Variants in ARHGAP40 observed in about 807,000 individuals in gnomAD.
ARHGAP40 encodes Rho GTPase activating protein 40.
In ARHGAP40, 43 loss-of-function variants were observed where a neutral mutation model predicts 73.5. That is an observed-to-expected ratio of 0.58 (90% CI 0.46 to 0.75). The LOEUF is 0.75. ARHGAP40 is among the 30% of genes least tolerant of loss of function. The pLI is 0.00. For missense variants in ARHGAP40, 734 were observed against 861.8 expected (o/e 0.85, Z 1.86); for synonymous variants, 300 against 352.8 (o/e 0.85, Z 1.68).
rs113080934 is a variant in ARHGAP40, at chr20:38,628,098, A to G, written c.559-829A>G. Among the ~76,000 whole-genome samples, 1,390 of 152,334 alleles carry G rather than the reference A, an allele frequency of 9.1e-3. 23 individuals are homozygous for G. The highest frequency in any genetic ancestry group is 0.032 in the African/African-American group (1,313 of 41,568). On this transcript the variant is annotated intron_variant, in intron 3 of 14. Coordinates refer to ENST00000373345, the Ensembl canonical transcript of ARHGAP40. ...CCCTATAGGCTGTGTGTCCAGAGCA[A>G]CAGCTCAGGAGCAGTTCTGCCTTTT...
intron 13 of ARHGAP40, among the ~76,000 whole-genome samples, chr20:38,648,383 A>T (rs887173130): frequency 1.3e-5 from 2 of 152,254 alleles, no homozygotes; most frequent in African/African-American, 4.8e-5. Context: ...TGCCCAGAAG[A>T]AAGGGGCCTC....
At chr20:38,650,354 C>T (rs1307834873) in exon 15 of ARHGAP40, 12 of 471,204 alleles carry the variant, frequency 2.5e-5, no homozygotes, top group South Asian at 6.2e-5. Flanking sequence ...AAAATTGTTT[C>T]GAAAGTGGCC....
intron 10 of ARHGAP40, among the ~76,000 whole-genome samples, chr20:38,642,327 T>C (rs1420844307): frequency 6.6e-6 from 1 of 152,216 alleles, no homozygotes; most frequent in African/African-American, 2.4e-5. Context: ...ATGCAGGGCC[T>C]TGGCCCAGCT....
At chr20:38,629,789 A>C (rs2088926126) in intron 5 of ARHGAP40, 139 bp downstream of exon 5, 2 of 994,864 alleles carry the variant, frequency 2.0e-6, no homozygotes, top group Non-Finnish European at 2.6e-6. Flanking sequence ...TTCGTACCAC[A>C]AATATTTACT....
exon 14 of ARHGAP40, chr20:38,648,690 G>C (rs1372747159): frequency 7.7e-7 from 1 of 1,305,720 alleles, no homozygotes; most frequent in Non-Finnish European, 1.0e-6. Context: ...GAAGTTGGAG[G>C]GAATATCAGT....
intron 2 of ARHGAP40, among the ~76,000 whole-genome samples, chr20:38,626,328 T>C (rs1038056239): frequency 2.0e-5 from 3 of 152,180 alleles, no homozygotes; most frequent in Admixed American, 6.5e-5. Context: ...ATAAGGCCAG[T>C]GTTTCTCAAG....
intron 2 of ARHGAP40, 80 bp downstream of exon 2, chr20:38,623,638 T>C (rs2088885491): frequency 9.6e-6 from 11 of 1,147,324 alleles, no homozygotes; most frequent in Non-Finnish European, 1.1e-5. Context: ...GATCCAGATA[T>C]GAACCAGAAC....
rs1271731353 is a variant in ARHGAP40, at chr20:38,650,562, A to T, written c.*714A>T. The T allele has an allele frequency of 6.4e-6, 3 of 466,302 alleles. No individual in the cohort carries two copies. In the East Asian group the frequency reaches 2.1e-4, roughly 32 times the overall value. 28.9% of individuals were successfully genotyped at this position (466,302 alleles called of 1,614,324 possible). On this transcript the variant is annotated 3_prime_UTR_variant, in exon 15 of 15. Coordinates refer to ENST00000373345, the Ensembl canonical transcript of ARHGAP40. ...TTGCTTCACAGCTCTCATGCTTTACATGTTGATTTGTACAATCTTGTCATT... is the reference window on the plus strand; with the variant it reads ...TTGCTTCACAGCTCTCATGCTTTACTTGTTGATTTGTACAATCTTGTCATT...
At chr20:38,649,837 A>G in exon 15 of ARHGAP40, 5 of 1,305,200 alleles carry the variant, frequency 3.8e-6, no homozygotes, top group Non-Finnish European at 5.1e-6. Flanking sequence ...CCTTAAACAG[A>G]ACCCCACCTA....
chr20:38,637,706 A>C lies in ARHGAP40; in HGVS notation c.950-2A>C, dbSNP rs1169068734. On this transcript the variant is annotated splice_acceptor_variant, in intron 6 of 14. Coordinates refer to ENST00000373345, the Ensembl canonical transcript of ARHGAP40. LOFTEE classifies it high-confidence loss of function. ...GTGCCTCTGCTCTTTGACTTTCTGC[A>C]GAAACTCGCCTCTTTGGTGTGCCCC... 2.3e-6 allele frequency: 3 copies of C among 1,305,222 alleles called. No homozygotes were observed. The highest frequency in any genetic ancestry group is 2.0e-6 in the Non-Finnish European group (2 of 988,942). The allele number at this position is 1,305,222 out of a possible 1,614,324, so 80.9% of individuals were successfully genotyped here.
chr20:38,635,024 G>A (rs747244415), intron 6 of ARHGAP40, among the ~76,000 whole-genome samples: 9 of 151,952 alleles, frequency 5.9e-5, no homozygotes, highest in Non-Finnish European at 1.0e-4. Context: ...TGAGACTACA[G>A]GTGCGCACCA....
intron 6 of ARHGAP40, among the ~76,000 whole-genome samples, chr20:38,636,702 G>A (rs933226832): frequency 1.3e-5 from 2 of 152,118 alleles, no homozygotes; most frequent in African/African-American, 4.8e-5. Context: ...CTGTATATAT[G>A]CTTTTGAATG....
At chr20:38,614,435 C>T (rs762297587) in intron 1 of ARHGAP40, among the ~76,000 whole-genome samples, 1 of 152,038 alleles carries the variant, frequency 6.6e-6, no homozygotes, top group Non-Finnish European at 1.5e-5. Flanking sequence ...GCATCATTAG[C>T]TGCACCATCT....
chr20:38,608,241 G>A (rs2088783730), intron 1 of ARHGAP40, among the ~76,000 whole-genome samples: 1 of 151,936 alleles, frequency 6.6e-6, no homozygotes, highest in Admixed American at 6.6e-5. Context: ...GCACTTCCCA[G>A]CATAAAGACC....
intron 7 of ARHGAP40, 117 bp from the exon 8 acceptor site, chr20:38,638,644 A>G (rs570143930): frequency 3.0e-6 from 2 of 666,510 alleles, no homozygotes; most frequent in African/African-American, 3.8e-5. Context: ...ATTATTCCGA[A>G]GGAAACCCTT....
chr20:38,638,696 C>T, intron 7 of ARHGAP40, 65 bp from the exon 8 acceptor site: 3 of 1,196,672 alleles, frequency 2.5e-6, no homozygotes, highest in East Asian at 5.7e-5. Flanking sequence ...GGGAGACAAA[C>T]ACACCATTTT....
chr20:38,612,585 G>A (rs537239469), intron 1 of ARHGAP40, among the ~76,000 whole-genome samples: 3 of 152,224 alleles, frequency 2.0e-5, no homozygotes, highest in African/African-American at 4.8e-5. Context: ...CAGAAGAATC[G>A]CTTAAACCCA....
chr20:38,602,071 G>C (rs1352806367), exon 1 of ARHGAP40: 1 of 1,285,118 alleles, frequency 7.8e-7, no homozygotes, highest in African/African-American at 1.5e-5. Flanking sequence ...GGGCCGACCT[G>C]GGCTGCAGGT....
chr20:38,650,455 G>C (rs756279734), exon 15 of ARHGAP40: 1 of 470,958 alleles, frequency 2.1e-6, no homozygotes, highest in Non-Finnish European at 4.4e-6. Context: ...AATCCTTTCA[G>C]GATGAGGGGC....
Sources: allele counts gnomAD v4.1 joint callset (sites outside exome capture counted in the v4.1 genomes callset), GRCh38; gene constraint gnomAD v4.1.1; transcripts MANE v1.5; gene names NCBI Gene and HGNC (gene_info 2026-07-23, HGNC 2026-07-21).